The following RBFOX1 variants were observed in gnomAD, a reference collection of about 807,000 sequenced individuals.
The protein encoded by RBFOX1 is RNA binding fox-1 homolog 1.
In RBFOX1, 8 loss-of-function variants were observed where a neutral mutation model predicts 57.7. The ratio of observed to expected loss-of-function variants is 0.14; its 90% CI spans 0.08 to 0.25. RBFOX1 has a LOEUF of 0.25. RBFOX1 is among the 10% of genes least tolerant of loss of function. RBFOX1 has a pLI of 1.00. For synonymous variants in RBFOX1, 326 were observed against 222.4 expected (o/e 1.47, Z -4.15); for missense variants, 611 against 548.5 (o/e 1.11, Z -1.14).
intron 10 of RBFOX1, among the ~76,000 whole-genome samples, chr16:7,621,514 G>C (rs1395680995): frequency 6.6e-6 from 1 of 151,992 alleles, no homozygotes; most frequent in South Asian, 2.1e-4. Flanking sequence ...CTCCTGCCTT[G>C]GCTTTCCAAA....
chr16:7,371,208 A>G (rs1253384081), intron 4 of RBFOX1, among the ~76,000 whole-genome samples: 1 of 152,150 alleles, frequency 6.6e-6, no homozygotes, highest in Non-Finnish European at 1.5e-5. Context: ...CTTTAACATA[A>G]CATTTGTGTG....
chr16:7,466,945 C>T (rs1331870090), intron 4 of RBFOX1, among the ~76,000 whole-genome samples: 1 of 152,136 alleles, frequency 6.6e-6, no homozygotes, highest in Non-Finnish European at 1.5e-5. Flanking sequence ...ATTTAATCAA[C>T]ACATATTTAC....
chr16:5,487,666 C>G (rs191671444), intron 2 of RBFOX1, among the ~76,000 whole-genome samples: 4 of 152,286 alleles, frequency 2.6e-5, no homozygotes, highest in African/African-American at 7.2e-5. Flanking sequence ...AAAAGCAAGG[C>G]ACAACTAATG....
intron 2 of RBFOX1, among the ~76,000 whole-genome samples, chr16:6,623,894 G>A (rs1041206582): frequency 2.5e-4 from 38 of 152,220 alleles, no homozygotes; most frequent in African/African-American, 6.5e-4. Context: ...GAATAGTGCC[G>A]CAATAAACAT....
At chr16:6,749,495 G>C (rs1603521447) in intron 3 of RBFOX1, among the ~76,000 whole-genome samples, 1 of 152,124 alleles carries the variant, frequency 6.6e-6, no homozygotes, top group East Asian at 1.9e-4. Flanking sequence ...CCACTTTCCA[G>C]ATAAGGATAC....
At chr16:6,834,588 C>G (rs1256689742) in intron 3 of RBFOX1, among the ~76,000 whole-genome samples, 2 of 152,106 alleles carry the variant, frequency 1.3e-5, no homozygotes, top group African/African-American at 4.8e-5. Context: ...AGAAACCTTG[C>G]AGAAACTTGA....
chr16:7,124,286 TGCCTTTGGTTCTA>T (rs921907683), intron 4 of RBFOX1, among the ~76,000 whole-genome samples: 3 of 152,104 alleles, frequency 2.0e-5, no homozygotes, highest in Non-Finnish European at 4.4e-5. Context: ...TAGTGGTGTG[TGCCTTTGGTTCTA>T]GCTACTCAGG....
At chr16:6,319,870 A>C (rs957205937) in intron 2 of RBFOX1, among the ~76,000 whole-genome samples, 1 of 152,210 alleles carries the variant, frequency 6.6e-6, no homozygotes, top group Non-Finnish European at 1.5e-5. Context: ...CAGGCTAAAA[A>C]TCCCATGGCA....
intron 3 of RBFOX1, among the ~76,000 whole-genome samples, chr16:6,883,237 C>A (rs760353803): frequency 1.3e-5 from 2 of 152,186 alleles, no homozygotes; most frequent in Non-Finnish European, 2.9e-5. Context: ...CGCTTTGCTA[C>A]ACTATGGGTT....
At chr16:6,035,209 G>A (rs1038460159) in intron 1 of RBFOX1, among the ~76,000 whole-genome samples, 1 of 152,096 alleles carries the variant, frequency 6.6e-6, no homozygotes, top group African/African-American at 2.4e-5. Flanking sequence ...CTCAGACAAA[G>A]AGCAAAATAT....
At chr16:5,574,526 G>A (rs953002984) in intron 2 of RBFOX1, among the ~76,000 whole-genome samples, 21 of 151,020 alleles carry the variant, frequency 1.4e-4, no homozygotes, top group African/African-American at 4.1e-4. Context: ...AGTGATTCTC[G>A]TGCCTCAGCC....
intron 14 of RBFOX1, among the ~76,000 whole-genome samples, chr16:7,683,397 C>T (rs2075351942): frequency 6.6e-6 from 1 of 151,772 alleles, no homozygotes; most frequent in South Asian, 2.1e-4. Flanking sequence ...AACTAATTGC[C>T]TTTGGTCCAT....
intron 1 of RBFOX1, among the ~76,000 whole-genome samples, chr16:5,466,667 C>G (rs923764205): frequency 1.3e-5 from 2 of 152,236 alleles, no homozygotes; most frequent in Non-Finnish European, 2.9e-5. Flanking sequence ...TAGATATGCT[C>G]TGGTCCCTGC....
intron 3 of RBFOX1, among the ~76,000 whole-genome samples, chr16:6,844,778 G>T (rs1023615847): frequency 2.6e-5 from 4 of 152,104 alleles, no homozygotes; most frequent in Admixed American, 2.6e-4. Flanking sequence ...TTCTGCAATG[G>T]TTGAACTAAT....
intron 4 of RBFOX1, among the ~76,000 whole-genome samples, chr16:7,361,801 A>C (rs2097327200): frequency 6.6e-6 from 1 of 151,960 alleles, no homozygotes; most frequent in Non-Finnish European, 1.5e-5. Flanking sequence ...TGTGTATGCC[A>C]GTGTGTGTAT....
chr16:7,527,114 A>G (rs1319388443), intron 5 of RBFOX1, among the ~76,000 whole-genome samples: 2 of 152,126 alleles, frequency 1.3e-5, no homozygotes, highest in East Asian at 1.9e-4. Context: ...TGGCTTCAAA[A>G]TTGTCTTTTC....
At chr16:6,815,723 C>G (rs905943796) in intron 3 of RBFOX1, among the ~76,000 whole-genome samples, 3 of 152,170 alleles carry the variant, frequency 2.0e-5, no homozygotes, top group South Asian at 2.1e-4. Context: ...CCATTACCCA[C>G]TCTTCTCTCT....
At chr16:6,136,649 C>G (rs2096669575) in intron 1 of RBFOX1, among the ~76,000 whole-genome samples, 1 of 152,058 alleles carries the variant, frequency 6.6e-6, no homozygotes, top group South Asian at 2.1e-4. Flanking sequence ...ATGGGGCCCA[C>G]AAAGACAAAA....
chr16:5,317,496 C>G (rs535978399), intron 1 of RBFOX1, among the ~76,000 whole-genome samples: 154 of 152,280 alleles, frequency 1.0e-3, no homozygotes, highest in Middle Eastern at 3.4e-3. Flanking sequence ...GCAATCTCAG[C>G]TACTTAGGAG....
Sources: gnomAD v4.1 joint callset for allele counts (sites outside exome capture counted in the v4.1 genomes callset) on GRCh38, gnomAD v4.1.1 for gene constraint, MANE v1.5 for transcripts, NCBI Gene and HGNC (gene_info 2026-07-23, HGNC 2026-07-21) for gene names.